Variants in CDC45 observed in about 807,000 individuals in gnomAD.
CDC45 encodes the protein cell division control protein 45 homolog.
In CDC45, 54 loss-of-function variants were observed where a neutral mutation model predicts 77.8. That is an observed-to-expected ratio of 0.69 (90% CI 0.56 to 0.87). CDC45 has a LOEUF of 0.87. Ranked by LOEUF, CDC45 falls within the 40% of genes least tolerant of loss-of-function variation. CDC45 has a pLI of 0.00. For missense variants in CDC45, 649 were observed against 721.6 expected, an observed-to-expected ratio of 0.90 and a Z score of 1.15; for synonymous variants, 260 against 272.1, an observed-to-expected ratio of 0.96 and a Z score of 0.44.
chr22:19,482,871 C>T (rs761235834), intron 4 of CDC45, 44 bp downstream of exon 4: 2 of 1,587,502 alleles, frequency 1.3e-6, no homozygotes, highest in Non-Finnish European at 1.7e-6. Context: ...ACTTTTTATG[C>T]CATGTACAAT....
intron 8 of CDC45, 99 bp downstream of exon 8, chr22:19,497,546 C>T (rs2090264794): frequency 4.0e-6 from 4 of 1,009,088 alleles, no homozygotes; most frequent in Admixed American, 1.7e-5. Context: ...TTTCCCTTGT[C>T]CCCACCAGGA....
At chr22:19,502,295 G>C (rs1932927999) in intron 9 of CDC45, among the ~76,000 whole-genome samples, 1 of 152,176 alleles carries the variant, frequency 6.6e-6, no homozygotes, top group African/African-American at 2.4e-5. Context: ...GATGTACGCT[G>C]ATAGTTTTGA....
chr22:19,484,569 T>G (rs1278400770), intron 5 of CDC45, among the ~76,000 whole-genome samples: 1 of 150,858 alleles, frequency 6.6e-6, no homozygotes, highest in African/African-American at 2.5e-5. Flanking sequence ...AGAAGGTGGT[T>G]GTTCCCATAG....
rs182414773 is a variant in CDC45 at position 19,483,007 on chromosome 22, T to A, written c.342+180T>A. On this transcript the variant is annotated intron_variant, in intron 4 of 18. Transcript: ENST00000263201. ...TTTTTAAGGAGAGTCTGGAGTACACTGGCACAATCATGGCTCACTGCAGCC... is the reference window on the plus strand; with the variant it reads ...TTTTTAAGGAGAGTCTGGAGTACACAGGCACAATCATGGCTCACTGCAGCC... Among the ~76,000 whole-genome samples, 40 of 151,854 alleles carry A rather than the reference T, an allele frequency of 2.6e-4. No homozygotes were observed. The East Asian group carries it at 7.2e-3, about 27-fold the overall frequency.
chr22:19,493,178 G>C (rs2090179154), intron 5 of CDC45, among the ~76,000 whole-genome samples: 3 of 152,126 alleles, frequency 2.0e-5, no homozygotes, highest in Admixed American at 1.3e-4. Flanking sequence ...TTCTGTCTTG[G>C]GAGGTTGCTC....
intron 5 of CDC45, among the ~76,000 whole-genome samples, chr22:19,494,106 A>G (rs1300165417): frequency 6.6e-6 from 1 of 152,224 alleles, no homozygotes; most frequent in East Asian, 1.9e-4. Flanking sequence ...CTTTCTGCCC[A>G]TGGTGTCTGG....
At chr22:19,498,688 T>C (rs1007115132) in intron 8 of CDC45, among the ~76,000 whole-genome samples, 1 of 152,192 alleles carries the variant, frequency 6.6e-6, no homozygotes, top group Non-Finnish European at 1.5e-5. Context: ...AGAGATGAAG[T>C]GATACCAGGG....
intron 13 of CDC45, among the ~76,000 whole-genome samples, chr22:19,510,561 C>T (rs931511259): frequency 3.3e-5 from 5 of 152,206 alleles, no homozygotes; most frequent in African/African-American, 9.7e-5. Context: ...GACAGAGTCT[C>T]ACTCTCGCTC....
At position 19,508,610 on chromosome 22, in the gene CDC45, C is replaced by T; in HGVS notation, c.1136C>T (p.Ala379Val). Residue 379 changes from alanine to valine, a missense_variant, in exon 13 of 19, where the codon GCC becomes GTC. Physicochemically the swap from Ala to Val is moderately conservative, Grantham distance 64. Coordinates refer to ENST00000263201, the MANE Select transcript of CDC45 (RefSeq NM_003504.5). ...HKFLASDVVF[A>V]TMSLMESPEK... is the part of the protein sequence containing the mutation. ...TTTCTGGCCAGCGACGTGGTCTTTGCCACCATGTCTTTGATGGAGAGCCCC... is the reference window on the plus strand; with the variant it reads ...TTTCTGGCCAGCGACGTGGTCTTTGTCACCATGTCTTTGATGGAGAGCCCC... The T allele has an allele frequency of 6.2e-7, 1 of 1,614,156 alleles. No individual in the cohort carries two copies. Among genetic ancestry groups the T allele is most frequent in the Non-Finnish European group, 8.5e-7 (1 of 1,179,980 alleles).
chr22:19,491,203 G>A (rs1170074869), intron 5 of CDC45, among the ~76,000 whole-genome samples: 1 of 152,072 alleles, frequency 6.6e-6, no homozygotes, highest in Non-Finnish European at 1.5e-5. Context: ...CATATACAGT[G>A]TTATAATTTT....
rs1286624575 is a variant in CDC45, at chr22:19,497,376, T to C, written c.592-10T>C. 3 of 1,613,816 alleles carry C rather than the reference T, an allele frequency of 1.9e-6. No individual in the cohort carries two copies. In the African/African-American group the frequency reaches 4.0e-5, roughly 22 times the overall value. ...TCCCATGAGCCTTAGACTTCTCTGC[T>C]TCCTTACAGTCAGCCATGGTGATGT... On this transcript the variant is annotated splice_polypyrimidine_tract_variant and intron_variant, in intron 7 of 18. Transcript: ENST00000263201.
rs148464781 is a variant in CDC45, at chr22:19,508,557, C to G, written c.1083C>G (p.Phe361Leu). ...FGMKDMRVQT[F>L]SIHFGFKHKF... ...TGAAGGACATGCGCGTGCAGACTTT[C>G]AGCATTCATTTTGGGTTCAAGCACA... Residue 361 changes from phenylalanine to leucine, a missense_variant, in exon 13 of 19, where the codon TTC (phenylalanine) becomes TTG (leucine). Phe to Leu is a conservative substitution (Grantham distance 22). Coordinates refer to ENST00000263201, the MANE Select transcript of CDC45 (RefSeq NM_003504.5). The G allele has an allele frequency of 1.2e-6, 2 of 1,614,230 alleles. No individual in the cohort carries two copies. The highest frequency in any genetic ancestry group is 1.7e-6 in the Non-Finnish European group (2 of 1,180,048).
chr22:19,482,663 A>T (rs1389395121), intron 3 of CDC45, 27 bp from the exon 4 acceptor site: 1 of 1,609,830 alleles, frequency 6.2e-7, no homozygotes, highest in South Asian at 1.1e-5. Flanking sequence ...CGATATAGCT[A>T]CTTTACAATA....
intron 5 of CDC45, among the ~76,000 whole-genome samples, chr22:19,492,538 T>A (rs1342144562): frequency 1.3e-5 from 2 of 152,210 alleles, no homozygotes; most frequent in African/African-American, 4.8e-5. Flanking sequence ...CGTTGAAGCA[T>A]TTTTATGATG....
Position 19,514,890 on chromosome 22 carries a change from C to T in CDC45, c.1356+3C>T. Reference sequence around the variant, plus strand: ...TCCTGTACTGCTCTCTCATGGAGGTCAGGCTTCCCACAGAGCACAGGCGCC... The same window carrying T: ...TCCTGTACTGCTCTCTCATGGAGGTTAGGCTTCCCACAGAGCACAGGCGCC... On this transcript the variant is annotated splice_donor_region_variant and intron_variant, in intron 14 of 18. Coordinates refer to ENST00000263201, the MANE Select transcript of CDC45 (RefSeq NM_003504.5). 3.7e-6 allele frequency: 6 copies of T among 1,614,226 alleles called. No homozygotes were observed. The highest frequency in any genetic ancestry group is 5.1e-6 in the Non-Finnish European group (6 of 1,180,048).
chr22:19,484,688 C>T (rs950251316), intron 5 of CDC45, among the ~76,000 whole-genome samples: 2 of 152,208 alleles, frequency 1.3e-5, no homozygotes, highest in South Asian at 2.1e-4. Context: ...CATCCTCAGC[C>T]TGACATTTCC....
In CDC45 at chr22:19,494,532, G is replaced by A. The variant is rs545467018; in HGVS notation, c.542+150G>A. The stretch of plus-strand genomic sequence containing the variant: ...TGGCTCTGGGAGTGAACCTGTGGCC[G>A]CTGCATTGGAGAAGAGCTCCAGGTT... On this transcript the variant is annotated intron_variant, in intron 6 of 18. Transcript: ENST00000263201. 9.0e-6 allele frequency: 14 copies of A among 1,551,222 alleles called. No individual in the cohort carries two copies. Among genetic ancestry groups the A allele is most frequent in the African/African-American group, 1.4e-5 (1 of 73,120 alleles).
chr22:19,491,653 G>A (rs907361295), intron 5 of CDC45, among the ~76,000 whole-genome samples: 3 of 151,944 alleles, frequency 2.0e-5, no homozygotes, highest in African/African-American at 4.8e-5. Flanking sequence ...GTGTTCAGAA[G>A]TTTAATTAGG....
intron 9 of CDC45, 84 bp downstream of exon 9, chr22:19,499,235 G>A: frequency 3.5e-6 from 5 of 1,421,632 alleles, no homozygotes; most frequent in Non-Finnish European, 5.0e-6. Context: ...TAAGTTTTTA[G>A]CAGGGTCCCT....
Sources: allele counts gnomAD v4.1 joint callset (sites outside exome capture counted in the v4.1 genomes callset), GRCh38; gene constraint gnomAD v4.1.1; transcripts MANE v1.5; gene names NCBI Gene and HGNC (gene_info 2026-07-23, HGNC 2026-07-21).